Variants in PCDHGA7 observed in about 807,000 individuals in gnomAD.
PCDHGA7 encodes the protein protocadherin gamma-A7.
A neutral mutation model predicts 58.3 loss-of-function variants in PCDHGA7; 44 were observed. The ratio of observed to expected loss-of-function variants is 0.75; its 90% CI spans 0.59 to 0.97. The LOEUF is 0.97. Ranked by LOEUF, PCDHGA7 falls within the 50% of genes least tolerant of loss-of-function variation. PCDHGA7 has a pLI of 0.00. For synonymous variants in PCDHGA7, 516 were observed against 504.2 expected, an observed-to-expected ratio of 1.02 and a Z score of -0.31; for missense variants, 1,266 against 1,188.7, an observed-to-expected ratio of 1.06 and a Z score of -0.96.
chr5:141,421,055 C>A, intron 1 of PCDHGA7: 2 of 577,118 alleles, frequency 3.5e-6, no homozygotes, highest in South Asian at 2.4e-5. Flanking sequence ...GCCTCTACCA[C>A]ACAAAGCGGA....
intron 1 of PCDHGA7, chr5:141,419,601 C>A (rs753678898): frequency 6.2e-7 from 1 of 1,611,818 alleles, no homozygotes; most frequent in Admixed American, 1.7e-5. Flanking sequence ...GTGCCGCGGG[C>A]CGCGCAGCCA....
chr5:141,418,452 A>C (rs2096259372), intron 1 of PCDHGA7: 5 of 1,614,024 alleles, frequency 3.1e-6, no homozygotes, highest in Non-Finnish European at 4.2e-6. Context: ...GTATTGCAGA[A>C]GACTCTGGAC....
intron 1 of PCDHGA7, chr5:141,403,018 G>A (rs752656852): frequency 9.3e-6 from 15 of 1,613,966 alleles, no homozygotes; most frequent in South Asian, 1.1e-5. Context: ...TCCTGGGGAT[G>A]CTATGGGAGG....
chr5:141,486,522 A>G lies in PCDHGA7; in HGVS notation c.2425-8285A>G. 1 of 1,614,174 alleles carries G rather than the reference A, an allele frequency of 6.2e-7. No homozygotes were observed. Among genetic ancestry groups the G allele is most frequent in the Non-Finnish European group, 8.5e-7 (1 of 1,180,024 alleles). On this transcript the variant is annotated intron_variant, in intron 1 of 3. Transcript: ENST00000518325. The surrounding 1 kb of genome is among the most constrained non-coding windows in gnomAD (Gnocchi z 5.0). The stretch of plus-strand genomic sequence containing the variant: ...TTCCTCAATATTTCAGATGTGAATG[A>G]TAATCCACCCTCTTTCTTTCAGAGG...
In PCDHGA7 at chr5:141,487,265, G is replaced by A; in HGVS notation, c.2425-7542G>A. 2 of 1,614,158 alleles carry A rather than the reference G, an allele frequency of 1.2e-6. 1 individual carries two copies. Among genetic ancestry groups the A allele is most frequent in the South Asian group, 2.2e-5 (2 of 91,084 alleles). On this transcript the variant is annotated intron_variant, in intron 1 of 3. Transcript: ENST00000518325. The surrounding 1 kb of genome is among the most constrained non-coding windows in gnomAD (Gnocchi z 5.0). Reference sequence around the variant, plus strand: ...AACCCTCTACTTGGCTGTGTCCCTAGTGGCAATTTGCTTTGTCTCCTTTGG... The same window carrying A: ...AACCCTCTACTTGGCTGTGTCCCTAATGGCAATTTGCTTTGTCTCCTTTGG...
At chr5:141,472,980 C>CAAAAAAAAAAAAAAAAGAAAA (rs2099308501) in intron 1 of PCDHGA7, among the ~76,000 whole-genome samples, 1 of 86,106 alleles carries the variant, frequency 1.2e-5, no homozygotes, top group Non-Finnish European at 2.5e-5. Context: ...GAGTGAAACT[C>CAAAAAAAAAAAAAAAAGAAAA]AAAAAAAAAA....
chr5:141,383,501 A>G lies in PCDHGA7; in HGVS notation c.602A>G (p.Asp201Gly). 1 of 1,612,940 alleles carries G rather than the reference A, an allele frequency of 6.2e-7. No individual in the cohort carries two copies. ...GAACTGGTGCTGGAGCGGGTGCTGG[A>G]CCGGGAGGAAGAGCGGGTTCACCAC... ...YPELVLERVLDREEERVHHLV... is the reference protein window; with the variant it reads ...YPELVLERVLGREEERVHHLV... The change falls in exon 1 of 4, where the codon GAC becomes GGC. Residue 201 changes from aspartate to glycine, a missense_variant. Coordinates refer to ENST00000518325, the MANE Select transcript of PCDHGA7 (RefSeq NM_018920.4).
chr5:141,419,274 C>T lies in PCDHGA7; in HGVS notation c.2424+33951C>T, dbSNP rs755798236. 17 of 1,613,900 alleles carry T rather than the reference C, an allele frequency of 1.1e-5. No homozygotes were observed. Among genetic ancestry groups the T allele is most frequent in the African/African-American group, 1.3e-5 (1 of 74,948 alleles). ...AACAACCAGCCGGGTGCCTCCATAG[C>T]GCAAGTCAGTGCCTCTGACCCAGAC... is the stretch of plus-strand genomic sequence containing the variant. On this transcript the variant is annotated intron_variant, in intron 1 of 3. Transcript: ENST00000518325.
intron 1 of PCDHGA7, chr5:141,403,291 A>T: frequency 6.2e-7 from 1 of 1,613,918 alleles, no homozygotes; most frequent in Non-Finnish European, 8.5e-7. Flanking sequence ...TTGAAGACAG[A>T]GTGAAACTGT....
intron 1 of PCDHGA7, chr5:141,409,213 C>A (rs1379007048): frequency 6.2e-7 from 1 of 1,613,994 alleles, no homozygotes; most frequent in East Asian, 2.2e-5. Context: ...TCATAGAAAT[C>A]CTTGATGAAA....
intron 1 of PCDHGA7, chr5:141,421,067 T>G: frequency 1.4e-5 from 8 of 591,772 alleles, no homozygotes; most frequent in Non-Finnish European, 2.3e-5. Flanking sequence ...CAAAGCGGAA[T>G]GAGATGGATA....
chr5:141,481,842 T>C (rs1402237517), intron 1 of PCDHGA7, among the ~76,000 whole-genome samples: 1 of 144,038 alleles, frequency 6.9e-6, no homozygotes, highest in Non-Finnish European at 1.5e-5. Flanking sequence ...AATCGCTTGA[T>C]GGTGGAGGTT....
chr5:141,406,159 A>G (rs1237857279), intron 1 of PCDHGA7, among the ~76,000 whole-genome samples: 3 of 151,234 alleles, frequency 2.0e-5, no homozygotes, highest in Non-Finnish European at 2.9e-5. Context: ...TGCAGTCTCA[A>G]TCTCCTGGGC....
intron 1 of PCDHGA7, among the ~76,000 whole-genome samples, chr5:141,450,112 T>G (rs2098669735): frequency 6.6e-6 from 1 of 150,618 alleles, no homozygotes; most frequent in Non-Finnish European, 1.5e-5. Context: ...GTTCAAATGA[T>G]TCTCCTGCCT....
rs779871354 is a variant in PCDHGA7 at position 141,428,131 on chromosome 5, G to A, written c.2424+42808G>A. 8.7e-6 allele frequency: 14 copies of A among 1,602,720 alleles called. No homozygotes were observed. The South Asian group carries it at 1.5e-4, about 18-fold the overall frequency. On this transcript the variant is annotated intron_variant, in intron 1 of 3. Transcript: ENST00000518325. ...CAGGCCATCGAGCCCGGGCTTTTCA[G>A]CCTGGGGCTGCACACGGGAACCTGC...
chr5:141,393,115 G>C (rs1342924521), intron 1 of PCDHGA7: 42 of 1,613,320 alleles, frequency 2.6e-5, no homozygotes, highest in Non-Finnish European at 3.6e-5. Context: ...CAGAGCCCGC[G>C]GTGTCTGATA....
chr5:141,401,467 G>A (rs1248119954), intron 1 of PCDHGA7, among the ~76,000 whole-genome samples: 1 of 152,196 alleles, frequency 6.6e-6, no homozygotes, highest in Non-Finnish European at 1.5e-5. Context: ...AATTTTCTAA[G>A]TTTATCCAGG....
Position 141,432,683 on chromosome 5 carries a change from C to T in PCDHGA7, c.2424+47360C>T, listed in dbSNP as rs138402830. The T allele has an allele frequency of 4.8e-5, 78 of 1,613,968 alleles. No individual in the cohort carries two copies. In the African/African-American group the frequency reaches 9.5e-4, roughly 20 times the overall value. On this transcript the variant is annotated intron_variant, in intron 1 of 3. Transcript: ENST00000518325. The surrounding 1 kb of genome is among the most constrained non-coding windows in gnomAD (Gnocchi z 6.0). ...GGACAGAGACGCGCTCAAGCAGAGC[C>T]TCGTAGTGGCCGTCCAGGACCACGG...
At chr5:141,497,018 A>G (rs988584487) in intron 2 of PCDHGA7, among the ~76,000 whole-genome samples, 1 of 152,084 alleles carries the variant, frequency 6.6e-6, no homozygotes, top group Non-Finnish European at 1.5e-5. Flanking sequence ...GTGAAACCCC[A>G]TCTCGATTAA....
Sources: gnomAD v4.1 joint callset for allele counts (sites outside exome capture counted in the v4.1 genomes callset) on GRCh38, gnomAD v4.1.1 for gene constraint, Gnocchi (gnomAD v3.1) non-coding constraint, MANE v1.5 for transcripts, NCBI Gene and HGNC (gene_info 2026-07-23, HGNC 2026-07-21) for gene names.